KRABD2: variants seen among roughly 807,000 people sequenced by gnomAD.
The protein encoded by KRABD2 is KRAB domain-containing protein 2.
chr17:8,375,520 A>G, the KRABD2 span, among the ~76,000 whole-genome samples: 23 of 142,756 alleles, frequency 1.6e-4, no homozygotes, highest in Middle Eastern at 3.5e-3. Context: ...TAAGCTTTCA[A>G]TATCTTTTTT....
the KRABD2 span, among the ~76,000 whole-genome samples, chr17:8,363,563 G>A: frequency 6.6e-6 from 1 of 151,804 alleles, no homozygotes; most frequent in Non-Finnish European, 1.5e-5. Flanking sequence ...GGCCGGGTTG[G>A]TCTCAAACTC....
At chr17:8,367,948 AGTT>A in the KRABD2 span, among the ~76,000 whole-genome samples, 2 of 143,864 alleles carry the variant, frequency 1.4e-5, no homozygotes. Flanking sequence ...AAAAAAAAAA[AGTT>A]AAGAGCAAAA....
chr17:8,369,297 A>G, the KRABD2 span: 2 of 1,614,176 alleles, frequency 1.2e-6, no homozygotes, highest in South Asian at 2.2e-5. Context: ...AGCAATTTCT[A>G]GCTCTTCTTC....
chr17:8,371,826 T>C, the KRABD2 span: 18 of 1,079,600 alleles, frequency 1.7e-5, 1 homozygote, highest in East Asian at 9.6e-4. Context: ...CATAAAGATA[T>C]GTCAGGAGAT....
chr17:8,365,679 T>C, the KRABD2 span: 4 of 152,164 alleles, frequency 2.6e-5, no homozygotes, highest in South Asian at 6.2e-4. Context: ...GAAAGCCCCT[T>C]CACATGCAGA....
chr17:8,370,143 C>T, the KRABD2 span: 21 of 1,613,824 alleles, frequency 1.3e-5, no homozygotes, highest in East Asian at 6.7e-5. Context: ...TGCTGCACGG[C>T]GATAATCACG....
At chr17:8,367,474 G>A in the KRABD2 span, among the ~76,000 whole-genome samples, 2 of 144,508 alleles carry the variant, frequency 1.4e-5, no homozygotes, top group Non-Finnish European at 3.0e-5. Flanking sequence ...ACTCCAGCCT[G>A]GGCGACAGAG....
chr17:8,369,566 A>C, the KRABD2 span: 3 of 1,614,250 alleles, frequency 1.9e-6, no homozygotes, highest in Non-Finnish European at 2.5e-6. Context: ...GGTACTTACC[A>C]GATACAATCT....
chr17:8,373,077 A>T, the KRABD2 span, among the ~76,000 whole-genome samples: 1 of 152,086 alleles, frequency 6.6e-6, no homozygotes, highest in African/African-American at 2.4e-5. Context: ...CCATCTAGTG[A>T]TTTTAAAAAA....
At chr17:8,375,827 G>T in the KRABD2 span, 3 of 1,044,466 alleles carry the variant, frequency 2.9e-6, no homozygotes, top group Non-Finnish European at 3.6e-6. Context: ...TCTATGTGAC[G>T]GCTAGGTGAT....
the KRABD2 span, chr17:8,376,377 G>C: frequency 1.7e-6 from 2 of 1,184,616 alleles, no homozygotes; most frequent in Non-Finnish European, 2.1e-6. Context: ...CATCACAATC[G>C]ATTGCTATGA....
the KRABD2 span, chr17:8,371,952 A>G: frequency 5.1e-6 from 5 of 989,900 alleles, no homozygotes; most frequent in Non-Finnish European, 6.0e-6. Flanking sequence ...TAGTCAGAAC[A>G]GCCGTAAGAC....
At chr17:8,370,966 CAAG>C in the KRABD2 span, among the ~76,000 whole-genome samples, 421 of 152,196 alleles carry the variant, frequency 2.8e-3, 1 homozygote, top group African/African-American at 9.6e-3. Flanking sequence ...GTCAGGAGTT[CAAG>C]AACAGCCTGG....
the KRABD2 span, chr17:8,359,841 G>A: frequency 3.1e-5 from 14 of 455,806 alleles, no homozygotes; most frequent in African/African-American, 2.8e-4. Context: ...ATTTAAGGCA[G>A]CCATTTCCAG....
chr17:8,361,577 G>A, the KRABD2 span, among the ~76,000 whole-genome samples: 1 of 152,304 alleles, frequency 6.6e-6, no homozygotes, highest in Non-Finnish European at 1.5e-5. Flanking sequence ...TGTGAGTGAG[G>A]AACCACTGCA....
the KRABD2 span, among the ~76,000 whole-genome samples, chr17:8,372,938 C>A: frequency 6.6e-6 from 1 of 152,140 alleles, no homozygotes; most frequent in South Asian, 2.1e-4. The surrounding 1 kb of genome is among the most constrained non-coding windows in gnomAD (Gnocchi z 4.1). Flanking sequence ...AGGCAACAGG[C>A]TAGAAACAAT....
the KRABD2 span, chr17:8,369,601 G>A: frequency 6.2e-7 from 1 of 1,614,206 alleles, no homozygotes; most frequent in South Asian, 1.1e-5. Flanking sequence ...AACTCATTGA[G>A]CTCATGAACA....
chr17:8,375,028 T>C, the KRABD2 span, among the ~76,000 whole-genome samples: 4 of 151,694 alleles, frequency 2.6e-5, no homozygotes, highest in African/African-American at 4.8e-5. Context: ...TCTTTCTTTT[T>C]TGAGACAGAG....
the KRABD2 span, among the ~76,000 whole-genome samples, chr17:8,367,538 C>T: frequency 6.6e-6 from 1 of 151,296 alleles, no homozygotes; most frequent in Admixed American, 6.6e-5. Flanking sequence ...CAGTGCACGC[C>T]TGTAGTCCCA....
Sources: gnomAD v4.1 joint callset for allele counts (sites outside exome capture counted in the v4.1 genomes callset) on GRCh38, gnomAD v4.1.1 for gene constraint, Gnocchi (gnomAD v3.1) non-coding constraint, MANE v1.5 for transcripts, NCBI Gene and HGNC (gene_info 2026-07-23, HGNC 2026-07-21) for gene names.